GPR39: variants seen among roughly 807,000 people sequenced by gnomAD.
GPR39 encodes the protein G protein-coupled receptor 39, also known as zinc sensing receptor.
Under a neutral mutation model 18.4 loss-of-function variants are expected in GPR39, and 23 were observed. The observed-to-expected ratio is 1.25, with a 90% confidence interval of 0.90 to 1.77. GPR39 has a LOEUF of 1.77. Ranked by LOEUF, GPR39 falls within the 40% of genes most tolerant of loss-of-function variation. The pLI, the probability that GPR39 is intolerant of heterozygous loss-of-function variation, is 0.00. For missense variants in GPR39, 647 were observed against 602.4 expected (o/e 1.07, Z -0.78); for synonymous variants, 280 against 257.9 (o/e 1.09, Z -0.82).
intron 1 of GPR39, chr2:132,523,641 A>G (rs12613678): frequency 0.18 from 27,519 of 152,104 alleles, 3,246 homozygotes; most frequent in East Asian, 0.62. Flanking sequence ...TGTGGCTGCA[A>G]CATCTGTCAC....
At chr2:132,534,064 A>C (rs1304385902) in intron 1 of GPR39, among the ~76,000 whole-genome samples, 2 of 152,194 alleles carry the variant, frequency 1.3e-5, no homozygotes, top group Admixed American at 6.5e-5. Flanking sequence ...CAACCTACAG[A>C]ATGGGAGAAA....
At chr2:132,426,700 C>T (rs1463062317) in intron 1 of GPR39, among the ~76,000 whole-genome samples, 3 of 152,214 alleles carry the variant, frequency 2.0e-5, no homozygotes, top group African/African-American at 7.2e-5. Flanking sequence ...CTTGTTTGTA[C>T]TTACTGAGTG....
chr2:132,434,007 A>G lies in GPR39; in HGVS notation c.856+16109A>G, dbSNP rs558100958. On this transcript the variant is annotated intron_variant, in intron 1 of 1. Coordinates refer to ENST00000329321, the MANE Select transcript of GPR39 (RefSeq NM_001508.3). ...TTTAATAATTTTAGACATTTGGCTT[A>G]AGAAATGACAAGATAACAGGAGAAG... Among the ~76,000 whole-genome samples the G allele has an allele frequency of 2.6e-5, 4 of 152,138 alleles. No homozygotes were observed. In the East Asian group the frequency reaches 5.9e-4, roughly 22 times the overall value.
intron 1 of GPR39, among the ~76,000 whole-genome samples, chr2:132,547,161 CT>C (rs1679965237): frequency 2.0e-5 from 3 of 152,142 alleles, no homozygotes; most frequent in Non-Finnish European, 4.4e-5. Flanking sequence ...GAATGGTCTC[CT>C]AACAGAGTCC....
intron 1 of GPR39, among the ~76,000 whole-genome samples, chr2:132,499,897 G>A (rs1678980214): frequency 6.6e-6 from 1 of 152,154 alleles, no homozygotes; most frequent in East Asian, 1.9e-4. Flanking sequence ...CACTGTTGGT[G>A]TACAGCAGAG....
intron 1 of GPR39, among the ~76,000 whole-genome samples, chr2:132,515,297 A>G (rs140394936): frequency 6.6e-6 from 1 of 152,210 alleles, no homozygotes; most frequent in African/African-American, 2.4e-5. Flanking sequence ...CACTGAGCAG[A>G]TCTCTTAGTT....
At chr2:132,602,813 A>T (rs922051012) in intron 1 of GPR39, among the ~76,000 whole-genome samples, 1 of 151,980 alleles carries the variant, frequency 6.6e-6, no homozygotes, top group Non-Finnish European at 1.5e-5. Context: ...CATCAGGGAA[A>T]TACAAACCAA....
intron 1 of GPR39, among the ~76,000 whole-genome samples, chr2:132,455,387 T>C (rs886891917): frequency 3.9e-5 from 6 of 152,204 alleles, no homozygotes; most frequent in Non-Finnish European, 2.9e-5. Flanking sequence ...TCTTTATTAG[T>C]CTTGCTAGTG....
intron 1 of GPR39, among the ~76,000 whole-genome samples, chr2:132,493,193 CACCATATAT>C (rs1242187156): frequency 1.5e-5 from 2 of 135,946 alleles, no homozygotes; most frequent in African/African-American, 6.2e-5. Flanking sequence ...CATATATATA[CACCATATAT>C]ACACCATATA....
chr2:132,464,440 A>G (rs573816485), intron 1 of GPR39, among the ~76,000 whole-genome samples: 23 of 152,332 alleles, frequency 1.5e-4, no homozygotes, highest in Admixed American at 1.4e-3. Context: ...GACTATTTGT[A>G]CAAACAACCT....
At chr2:132,597,573 A>G (rs1367674359) in intron 1 of GPR39, among the ~76,000 whole-genome samples, 5 of 152,226 alleles carry the variant, frequency 3.3e-5, no homozygotes, top group Admixed American at 6.5e-5. Context: ...CAGCAGATCC[A>G]GAAGCACTCT....
intron 1 of GPR39, among the ~76,000 whole-genome samples, chr2:132,616,068 C>T (rs1465096220): frequency 1.3e-5 from 2 of 152,018 alleles, no homozygotes; most frequent in Non-Finnish European, 2.9e-5. Flanking sequence ...TGTCATCTTC[C>T]TACTGAACCC....
chr2:132,617,451 A>G (rs1225098272), intron 1 of GPR39, among the ~76,000 whole-genome samples: 2 of 152,160 alleles, frequency 1.3e-5, no homozygotes, highest in East Asian at 3.8e-4. Flanking sequence ...TCATTGTGAA[A>G]AGTTAAAGAT....
At chr2:132,419,935 T>G (rs1403116907) in intron 1 of GPR39, among the ~76,000 whole-genome samples, 1 of 152,204 alleles carries the variant, frequency 6.6e-6, no homozygotes, top group Non-Finnish European at 1.5e-5. Context: ...TGAGTAGATG[T>G]CTGTTCTCCC....
intron 1 of GPR39, among the ~76,000 whole-genome samples, chr2:132,429,162 C>A (rs1680180167): frequency 6.6e-6 from 1 of 152,210 alleles, no homozygotes; most frequent in Non-Finnish European, 1.5e-5. Flanking sequence ...TCGTTATCCT[C>A]ACTTTGCAGA....
chr2:132,593,656 G>T (rs1680886080), intron 1 of GPR39, among the ~76,000 whole-genome samples: 1 of 152,148 alleles, frequency 6.6e-6, no homozygotes, highest in Admixed American at 6.5e-5. Flanking sequence ...AGCAGGCTTG[G>T]GGAGCCTGGG....
intron 1 of GPR39, among the ~76,000 whole-genome samples, chr2:132,435,434 T>A (rs1429101173): frequency 6.6e-6 from 1 of 152,236 alleles, no homozygotes; most frequent in Non-Finnish European, 1.5e-5. Flanking sequence ...TTCTCTAGCT[T>A]ACTTTATGGT....
At chr2:132,451,241 T>C (rs1409249159) in intron 1 of GPR39, among the ~76,000 whole-genome samples, 2 of 152,082 alleles carry the variant, frequency 1.3e-5, no homozygotes, top group African/African-American at 4.8e-5. Context: ...TTCTGTCCTC[T>C]GATACCTTCT....
At chr2:132,429,785 A>G (rs1441754349) in intron 1 of GPR39, among the ~76,000 whole-genome samples, 3 of 152,240 alleles carry the variant, frequency 2.0e-5, no homozygotes, top group South Asian at 2.1e-4. Flanking sequence ...TAGGGGTTAT[A>G]TGAAATAACT....
Sources: gnomAD v4.1 joint callset for allele counts (sites outside exome capture counted in the v4.1 genomes callset) on GRCh38, gnomAD v4.1.1 for gene constraint, MANE v1.5 for transcripts, NCBI Gene and HGNC (gene_info 2026-07-23, HGNC 2026-07-21) for gene names.